Variants in LHFPL2 observed in about 807,000 individuals in gnomAD.
The protein encoded by LHFPL2 is LHFPL tetraspan subfamily member 2, also known as LHFPL tetraspan subfamily member 2 protein.
LHFPL2 carries 7 observed loss-of-function variants against 17.5 expected under a neutral mutation model. That is an observed-to-expected ratio of 0.40 (90% CI 0.23 to 0.75). The LOEUF is 0.75. Among genes scored for constraint, LHFPL2 ranks in the 30% least tolerant of loss-of-function variants. The pLI is 0.37. For missense variants in LHFPL2, 241 were observed against 294.8 expected, an observed-to-expected ratio of 0.82 and a Z score of 1.34; for synonymous variants, 134 against 116.2, an observed-to-expected ratio of 1.15 and a Z score of -0.99.
intron 2 of LHFPL2, among the ~76,000 whole-genome samples, chr5:78,606,451 A>C (rs1364395370): frequency 6.6e-5 from 10 of 152,238 alleles, no homozygotes; most frequent in Non-Finnish European, 2.9e-5. Context: ...TCGGTAATTA[A>C]ATACCACTTA....
intron 3 of LHFPL2, among the ~76,000 whole-genome samples, chr5:78,543,288 C>A (rs1015599204): frequency 1.8e-4 from 27 of 152,164 alleles, no homozygotes; most frequent in African/African-American, 6.0e-4. Context: ...ACAGAGACAG[C>A]CATTCTCTTT....
At chr5:78,587,927 G>A (rs1389210333) in intron 2 of LHFPL2, among the ~76,000 whole-genome samples, 1 of 152,204 alleles carries the variant, frequency 6.6e-6, no homozygotes, top group Non-Finnish European at 1.5e-5. Context: ...TCTGAGCTAA[G>A]GGCAAGTGAG....
intron 4 of LHFPL2, among the ~76,000 whole-genome samples, chr5:78,495,573 A>G (rs1256815291): frequency 6.6e-6 from 1 of 152,210 alleles, no homozygotes; most frequent in Non-Finnish European, 1.5e-5. Flanking sequence ...AAGAACAGAA[A>G]CAAAAGAAGG....
At chr5:78,645,581 CACACACACACAT>C (rs1745840246) in intron 1 of LHFPL2, among the ~76,000 whole-genome samples, 3 of 143,158 alleles carry the variant, frequency 2.1e-5, no homozygotes, top group African/African-American at 7.9e-5. Flanking sequence ...CACACACACA[CACACACACACAT>C]TTTTTTTGAG....
At chr5:78,634,799 T>G (rs1302729772) in intron 1 of LHFPL2, among the ~76,000 whole-genome samples, 2 of 152,230 alleles carry the variant, frequency 1.3e-5, no homozygotes, top group African/African-American at 4.8e-5. Context: ...ACAGTTCTTA[T>G]CAATTTCTGC....
chr5:78,631,928 T>TC (rs1362404473), intron 2 of LHFPL2, among the ~76,000 whole-genome samples: 9 of 121,246 alleles, frequency 7.4e-5, no homozygotes, highest in East Asian at 2.2e-4. Flanking sequence ...AGAGCAAGAC[T>TC]CCATCTCAAA....
intron 2 of LHFPL2, among the ~76,000 whole-genome samples, chr5:78,601,266 T>C (rs1744001396): frequency 6.6e-6 from 1 of 152,198 alleles, no homozygotes; most frequent in Non-Finnish European, 1.5e-5. Flanking sequence ...AGAACAAACA[T>C]CTTTTCTCGA....
chr5:78,563,841 C>T (rs1368879290), intron 3 of LHFPL2, among the ~76,000 whole-genome samples: 3 of 152,086 alleles, frequency 2.0e-5, no homozygotes, highest in Non-Finnish European at 4.4e-5. Context: ...CAAGTATTTA[C>T]AATTCCTGTT....
At position 78,648,047 on chromosome 5, in the gene LHFPL2, G is replaced by A. The variant is rs1340689910; in HGVS notation, c.-350+452C>T. Among the ~76,000 whole-genome samples the A allele has an allele frequency of 6.6e-6, 1 of 152,112 alleles. No individual in the cohort carries two copies. Among genetic ancestry groups the A allele is most frequent in the Non-Finnish European group, 1.5e-5 (1 of 68,016 alleles). On this transcript the variant is annotated intron_variant, in intron 1 of 4. Coordinates refer to ENST00000380345, the MANE Select transcript of LHFPL2 (RefSeq NM_005779.3). The surrounding 1 kb of genome is among the most constrained non-coding windows in gnomAD (Gnocchi z 5.4). ...CGTCTGTGGCCAGAGTGACCCACAC[G>A]CCACGGACCAGGGACAGCAGGGGCG...
chr5:78,520,985 G>A (rs1195522169), intron 3 of LHFPL2, among the ~76,000 whole-genome samples: 2 of 152,172 alleles, frequency 1.3e-5, no homozygotes, highest in Non-Finnish European at 2.9e-5. Flanking sequence ...GCTGTATGCC[G>A]AAAGACATGG....
chr5:78,560,329 T>C (rs1230583843), intron 3 of LHFPL2, among the ~76,000 whole-genome samples: 1 of 152,234 alleles, frequency 6.6e-6, no homozygotes, highest in Non-Finnish European at 1.5e-5. Flanking sequence ...AAACTAAGCA[T>C]CTAGCCAGCA....
chr5:78,527,363 G>GTT (rs35135294), intron 3 of LHFPL2, among the ~76,000 whole-genome samples: 34,343 of 107,386 alleles, frequency 0.32, 5,145 homozygotes, highest in Non-Finnish European at 0.39. Context: ...CTGATGAGGA[G>GTT]TTTTTTTTTT....
intron 3 of LHFPL2, among the ~76,000 whole-genome samples, chr5:78,516,985 T>C (rs6861942): frequency 0.42 from 63,262 of 152,176 alleles, 13,887 homozygotes; most frequent in East Asian, 0.58. Flanking sequence ...GAAAACTGCA[T>C]GGTTGGCCAC....
intron 2 of LHFPL2, among the ~76,000 whole-genome samples, chr5:78,620,620 A>T (rs549584891): frequency 7.2e-5 from 11 of 152,290 alleles, no homozygotes; most frequent in Non-Finnish European, 1.5e-4. Context: ...TTTCATGGTC[A>T]CGAATGGGGA....
At chr5:78,554,607 T>C (rs1035328782) in intron 3 of LHFPL2, among the ~76,000 whole-genome samples, 1 of 152,242 alleles carries the variant, frequency 6.6e-6, no homozygotes, top group Non-Finnish European at 1.5e-5. Flanking sequence ...CTAAAGCCAC[T>C]TGATACAGAT....
intron 4 of LHFPL2, among the ~76,000 whole-genome samples, chr5:78,492,472 G>A (rs1009980882): frequency 6.6e-6 from 1 of 152,146 alleles, no homozygotes; most frequent in African/African-American, 2.4e-5. Context: ...GGGGAAGCAG[G>A]CAGGTTTTAC....
chr5:78,534,634 C>T (rs893046056), intron 3 of LHFPL2, among the ~76,000 whole-genome samples: 3 of 152,232 alleles, frequency 2.0e-5, no homozygotes, highest in Admixed American at 1.3e-4. Context: ...CTTCCCATGT[C>T]ACTGAAGCGG....
At chr5:78,546,476 T>C (rs1438562261) in intron 3 of LHFPL2, among the ~76,000 whole-genome samples, 1 of 152,178 alleles carries the variant, frequency 6.6e-6, no homozygotes, top group Admixed American at 6.5e-5. Flanking sequence ...TCCCCATGCA[T>C]GAAACAGGGA....
chr5:78,576,178 C>G (rs1333200090), intron 2 of LHFPL2, among the ~76,000 whole-genome samples: 1 of 152,066 alleles, frequency 6.6e-6, no homozygotes, highest in Non-Finnish European at 1.5e-5. Context: ...GCCTGTAGTC[C>G]CAGCTACTCC....
Sources: allele counts gnomAD v4.1 joint callset (sites outside exome capture counted in the v4.1 genomes callset), GRCh38; gene constraint gnomAD v4.1.1; non-coding constraint Gnocchi (gnomAD v3.1); transcripts MANE v1.5; gene names NCBI Gene and HGNC (gene_info 2026-07-23, HGNC 2026-07-21).